The following CTNNBL1 variants were observed in gnomAD, a reference collection of about 807,000 sequenced individuals.
The protein encoded by CTNNBL1 is catenin beta like 1, also known as beta-catenin-like protein 1.
In CTNNBL1, 31 loss-of-function variants were observed where a neutral mutation model predicts 72.7. The ratio of observed to expected loss-of-function variants is 0.43; its 90% CI spans 0.32 to 0.58. The LOEUF (loss-of-function observed/expected upper bound fraction) is 0.58, where lower values mean the gene tolerates loss of function less well. CTNNBL1 is among the 20% of genes least tolerant of loss of function. CTNNBL1 has a pLI of 0.08. For missense variants in CTNNBL1, 534 were observed against 725.1 expected (o/e 0.74, Z 3.03); for synonymous variants, 240 against 267.3 (o/e 0.90, Z 1.00).
At chr20:37,779,400 C>T in intron 10 of CTNNBL1, 65 bp downstream of exon 10, 1 of 1,555,068 alleles carries the variant, frequency 6.4e-7, no homozygotes, top group Non-Finnish European at 8.8e-7. Flanking sequence ...AGCCTGAATT[C>T]AAGAGCATGT....
intron 1 of CTNNBL1, among the ~76,000 whole-genome samples, chr20:37,709,589 T>C (rs1353687692): frequency 6.6e-6 from 1 of 152,192 alleles, no homozygotes; most frequent in East Asian, 1.9e-4. Flanking sequence ...GGGGGAAACT[T>C]TTGAGCATCT....
chr20:37,710,018 G>A (rs544489192), intron 1 of CTNNBL1, among the ~76,000 whole-genome samples: 1 of 152,304 alleles, frequency 6.6e-6, no homozygotes, highest in South Asian at 2.1e-4. Flanking sequence ...TGACAAAATC[G>A]GGGTCAGGCA....
chr20:37,849,743 T>G (rs2072379293), intron 13 of CTNNBL1, among the ~76,000 whole-genome samples: 1 of 152,238 alleles, frequency 6.6e-6, no homozygotes, highest in African/African-American at 2.4e-5. Context: ...CACTGCAGCC[T>G]CAGGCTGAAG....
chr20:37,843,970 C>G (rs1366918079), intron 13 of CTNNBL1, among the ~76,000 whole-genome samples: 1 of 152,246 alleles, frequency 6.6e-6, no homozygotes, highest in Non-Finnish European at 1.5e-5. Context: ...ACAATTCTTT[C>G]ATTCCAATTC....
At chr20:37,841,712 T>C (rs2072305703) in intron 12 of CTNNBL1, among the ~76,000 whole-genome samples, 1 of 152,158 alleles carries the variant, frequency 6.6e-6, no homozygotes, top group African/African-American at 2.4e-5. Flanking sequence ...AAAACAAAAC[T>C]TTTTCAAATC....
chr20:37,866,294 G>A (rs528929307), intron 15 of CTNNBL1, among the ~76,000 whole-genome samples: 1 of 152,244 alleles, frequency 6.6e-6, no homozygotes, highest in South Asian at 2.1e-4. Flanking sequence ...GCTGCCCGGG[G>A]TAGTGTGGTG....
In CTNNBL1 at chr20:37,812,372, G is replaced by A. The variant is rs575058553; in HGVS notation, c.1213+9324G>A. Among the ~76,000 whole-genome samples the A allele has an allele frequency of 3.3e-5, 5 of 152,294 alleles. No homozygotes were observed. In the East Asian group the frequency reaches 9.6e-4, roughly 29 times the overall value. On this transcript the variant is annotated intron_variant, in intron 11 of 15. Coordinates refer to ENST00000361383, the MANE Select transcript of CTNNBL1 (RefSeq NM_030877.5). ...TTGCCTTTTGTGGTTGTGAAGCCCA[G>A]CTGTGACCCAGGACTTTATATGTGG...
intron 4 of CTNNBL1, chr20:37,750,062 A>C (rs997617531): frequency 6.6e-6 from 1 of 152,240 alleles, no homozygotes; most frequent in South Asian, 2.1e-4. Flanking sequence ...CTGTGAAAAC[A>C]TAAACTGTAG....
Position 37,858,779 on chromosome 20 carries a change from A to G in CTNNBL1, c.1393-1120A>G, listed in dbSNP as rs544197311. Reference sequence around the variant, plus strand: ...CTACTAGGGAGGACTGGATATGAGGACAGCAAGTCTGAGAGGTCTAGGGTT... The same window carrying G: ...CTACTAGGGAGGACTGGATATGAGGGCAGCAAGTCTGAGAGGTCTAGGGTT... On this transcript the variant is annotated intron_variant, in intron 13 of 15. Coordinates refer to ENST00000361383, the MANE Select transcript of CTNNBL1 (RefSeq NM_030877.5). Among the ~76,000 whole-genome samples the G allele has an allele frequency of 9.4e-4, 143 of 152,190 alleles. 1 individual carries two copies. The South Asian group carries it at 0.012, about 13-fold the overall frequency.
intron 13 of CTNNBL1, among the ~76,000 whole-genome samples, chr20:37,853,068 AG>A (rs1477817915): frequency 6.6e-6 from 1 of 152,140 alleles, no homozygotes; most frequent in Non-Finnish European, 1.5e-5. Flanking sequence ...TGAGGGGCAA[AG>A]GAGGCAAGGG....
chr20:37,759,986 G>C (rs1376821803), intron 5 of CTNNBL1, among the ~76,000 whole-genome samples: 1 of 152,164 alleles, frequency 6.6e-6, no homozygotes, highest in Non-Finnish European at 1.5e-5. Context: ...TTATTGCTTT[G>C]GTCTTTTTCC....
In CTNNBL1 at chr20:37,729,084, T is replaced by G. The variant is rs116414358; in HGVS notation, c.31-3795T>G. Among the ~76,000 whole-genome samples the G allele has an allele frequency of 8.6e-3, 1,315 of 152,314 alleles. 18 individuals carry two copies. Among genetic ancestry groups the G allele is most frequent in the African/African-American group, 0.03 (1,241 of 41,550 alleles). On this transcript the variant is annotated intron_variant, in intron 1 of 15. Transcript: ENST00000361383. ...GTAAGTTATTTGTTGAATTAATGAT[T>G]TAAAAAGTATTGTTTTAACTTAACC...
intron 15 of CTNNBL1, among the ~76,000 whole-genome samples, chr20:37,866,900 C>G (rs1438883304): frequency 6.6e-6 from 1 of 152,162 alleles, no homozygotes; most frequent in African/African-American, 2.4e-5. Context: ...CCAGGAAAAG[C>G]AGGGACCAGC....
chr20:37,826,399 T>C (rs2072160249), intron 11 of CTNNBL1, among the ~76,000 whole-genome samples: 3 of 152,224 alleles, frequency 2.0e-5, no homozygotes, highest in African/African-American at 7.2e-5. Context: ...AGTAGGTGCT[T>C]AGACAATGCT....
chr20:37,772,632 GC>G (rs2073535988), intron 7 of CTNNBL1, among the ~76,000 whole-genome samples: 1 of 152,224 alleles, frequency 6.6e-6, no homozygotes, highest in South Asian at 2.1e-4. Context: ...ACAGGTGTAA[GC>G]CACTGCGCCC....
chr20:37,835,024 A>T (rs1396059375), intron 11 of CTNNBL1, among the ~76,000 whole-genome samples: 2 of 152,258 alleles, frequency 1.3e-5, no homozygotes, highest in Non-Finnish European at 2.9e-5. Context: ...TTTGCAACAT[A>T]TTTGGAAAAG....
At chr20:37,698,208 A>G (rs2072809445) in intron 1 of CTNNBL1, among the ~76,000 whole-genome samples, 1 of 152,238 alleles carries the variant, frequency 6.6e-6, no homozygotes, top group Non-Finnish European at 1.5e-5. Flanking sequence ...GACAACACTG[A>G]ACTGAACCAG....
intron 15 of CTNNBL1, among the ~76,000 whole-genome samples, chr20:37,870,598 C>T (rs1295285693): frequency 6.6e-6 from 1 of 152,208 alleles, no homozygotes; most frequent in African/African-American, 2.4e-5. Flanking sequence ...TCACCTCCAC[C>T]GCTACCTGCC....
At chr20:37,782,491 G>T (rs1043623442) in intron 10 of CTNNBL1, among the ~76,000 whole-genome samples, 3 of 152,140 alleles carry the variant, frequency 2.0e-5, no homozygotes, top group Admixed American at 6.5e-5. Flanking sequence ...AGTTTTGACA[G>T]ATGTTTCCAC....
Sources: gnomAD v4.1 joint callset for allele counts (sites outside exome capture counted in the v4.1 genomes callset) on GRCh38, gnomAD v4.1.1 for gene constraint, MANE v1.5 for transcripts, NCBI Gene and HGNC (gene_info 2026-07-23, HGNC 2026-07-21) for gene names.